SLC1A2: variants seen among roughly 807,000 people sequenced by gnomAD.
SLC1A2 encodes excitatory amino acid transporter 2.
In SLC1A2, 15 loss-of-function variants were observed where a neutral mutation model predicts 48.8. The observed-to-expected ratio is 0.31, with a 90% CI of 0.21 to 0.47. The LOEUF (loss-of-function observed/expected upper bound fraction) is 0.47. Among genes scored for constraint, SLC1A2 ranks in the 20% least tolerant of loss-of-function variants. The pLI is 0.99. For missense variants in SLC1A2, 502 were observed against 730.5 expected (o/e 0.69, Z 3.61); for synonymous variants, 279 against 272.6 (o/e 1.02, Z -0.23).
At chr11:35,330,181 C>T (rs144989538) in intron 1 of SLC1A2, among the ~76,000 whole-genome samples, 1 of 152,292 alleles carries the variant, frequency 6.6e-6, no homozygotes, top group Non-Finnish European at 1.5e-5. Flanking sequence ...TCTCTTCTCC[C>T]AAGTTTGTCA....
At chr11:35,386,933 C>A (rs918760158) in intron 1 of SLC1A2, among the ~76,000 whole-genome samples, 8 of 152,066 alleles carry the variant, frequency 5.3e-5, no homozygotes, top group African/African-American at 1.9e-4. Context: ...CATCTTTTTT[C>A]CCCCTTTTTT....
At chr11:35,398,690 A>G (rs1237961582) in intron 1 of SLC1A2, among the ~76,000 whole-genome samples, 3 of 152,212 alleles carry the variant, frequency 2.0e-5, no homozygotes, top group East Asian at 1.9e-4. Flanking sequence ...AAAAATATAT[A>G]TGGCCTGAGT....
In SLC1A2 at chr11:35,257,773, T is replaced by A. The variant is rs1003144104; in HGVS notation, c.*3121A>T. ...TTTCTCCTGAAATGATTCTGATTCCTAAAAAACATGAATGAGTCTATAGCA... is the reference window on the plus strand; with the variant it reads ...TTTCTCCTGAAATGATTCTGATTCCAAAAAAACATGAATGAGTCTATAGCA... On this transcript the variant is annotated 3_prime_UTR_variant, in exon 11 of 11. Transcript: ENST00000278379. The A allele has an allele frequency of 1.3e-5, 2 of 152,180 alleles. No homozygotes were observed. The highest frequency in any genetic ancestry group is 2.9e-5 in the Non-Finnish European group (2 of 68,032). The allele number at this position is 152,180 out of a possible 1,614,324, so 9.4% of individuals were successfully genotyped here. A position where few individuals can be genotyped will look rare whatever the true frequency, so the allele number is the denominator to read the frequency against.
chr11:35,377,003 G>A (rs1854259084), intron 1 of SLC1A2, among the ~76,000 whole-genome samples: 1 of 152,230 alleles, frequency 6.6e-6, no homozygotes, highest in East Asian at 1.9e-4. Flanking sequence ...GGAATGAGCA[G>A]GCCAAGTGTC....
intron 9 of SLC1A2, 72 bp downstream of exon 9, chr11:35,280,795 A>G (rs1433871750): frequency 1.8e-6 from 2 of 1,099,148 alleles, no homozygotes; most frequent in Non-Finnish European, 2.6e-6. Context: ...TCTTGGTTGC[A>G]ACCTTGCCAC....
intron 1 of SLC1A2, among the ~76,000 whole-genome samples, chr11:35,347,732 T>C (rs768509017): frequency 3.2e-4 from 48 of 152,318 alleles, no homozygotes; most frequent in Admixed American, 1.5e-3. Flanking sequence ...ACAGAGATCA[T>C]TGTGCTCAGC....
chr11:35,264,936 T>C (rs1277465496), intron 10 of SLC1A2: 1 of 151,826 alleles, frequency 6.6e-6, no homozygotes, highest in Admixed American at 6.6e-5. Context: ...TGAAAATCAG[T>C]AGCCACAAAT....
intron 1 of SLC1A2, among the ~76,000 whole-genome samples, chr11:35,333,282 T>C (rs942490649): frequency 6.6e-6 from 1 of 151,920 alleles, no homozygotes; most frequent in African/African-American, 2.4e-5. Context: ...CCAGGTGTGG[T>C]GGTGCATGCC....
intron 9 of SLC1A2, among the ~76,000 whole-genome samples, chr11:35,266,175 T>C (rs1353315482): frequency 6.6e-6 from 1 of 152,214 alleles, no homozygotes; most frequent in African/African-American, 2.4e-5. Context: ...GTTGTGTTTT[T>C]GAAGACTCTA....
chr11:35,276,096 T>A (rs1807965680), intron 9 of SLC1A2, among the ~76,000 whole-genome samples: 1 of 152,174 alleles, frequency 6.6e-6, no homozygotes, highest in African/African-American at 2.4e-5. Flanking sequence ...CAAACATTCA[T>A]CCCCAGCAGA....
chr11:35,373,375 C>T (rs1854121504), intron 1 of SLC1A2, among the ~76,000 whole-genome samples: 1 of 152,192 alleles, frequency 6.6e-6, no homozygotes, highest in Non-Finnish European at 1.5e-5. Flanking sequence ...ATGGGACAAA[C>T]CCGGTAGGGA....
At chr11:35,413,678 C>CACCCAGT (rs1855529524) in intron 1 of SLC1A2, 1 of 152,192 alleles carries the variant, frequency 6.6e-6, no homozygotes, top group African/African-American at 2.4e-5. Flanking sequence ...AGTCCACAGG[C>CACCCAGT]ACCCAGTACC....
Position 35,253,870 on chromosome 11 carries a change from C to A in SLC1A2, c.*7024G>T, listed in dbSNP as rs1363246685. 1 of 152,602 alleles carries A rather than the reference C, an allele frequency of 6.6e-6. No homozygotes were observed. The highest frequency in any genetic ancestry group is 2.4e-5 in the African/African-American group (1 of 41,438). The allele number at this position is 152,602 out of a possible 1,614,324, so 9.5% of individuals were successfully genotyped here. A position where few individuals can be genotyped will look rare whatever the true frequency, so the allele number is the denominator to read the frequency against. ...AGATTAATTCAGTCTACACTGAGTTCTTTATAATTTCTGAAGAATAGTTAC... is the reference window on the plus strand; with the variant it reads ...AGATTAATTCAGTCTACACTGAGTTATTTATAATTTCTGAAGAATAGTTAC... On this transcript the variant is annotated 3_prime_UTR_variant, in exon 11 of 11. Transcript: ENST00000278379.
rs4508184 is a variant in SLC1A2 at position 35,260,549 on chromosome 11, T to C, written c.*345A>G. ...AGTCCCTGGAGTGTACCACACTGCT[T>C]TACTCATGTCCCCTGGGAAAAGAGC... On this transcript the variant is annotated 3_prime_UTR_variant, in exon 11 of 11. Coordinates refer to ENST00000278379, the MANE Select transcript of SLC1A2 (RefSeq NM_004171.4). 36,135 of 298,140 alleles carry C rather than the reference T, an allele frequency of 0.12. 2,406 individuals carry two copies. The highest frequency in any genetic ancestry group is 0.18 in the Admixed American group (3,760 of 21,222). 18.5% of individuals were successfully genotyped at this position (298,140 alleles called of 1,614,324 possible).
chr11:35,287,156 G>A (rs1401503414), intron 7 of SLC1A2, among the ~76,000 whole-genome samples: 2 of 152,120 alleles, frequency 1.3e-5, no homozygotes, highest in East Asian at 3.8e-4. Context: ...ACACTAATAG[G>A]CAGCAAAATA....
intron 1 of SLC1A2, among the ~76,000 whole-genome samples, chr11:35,413,093 C>T (rs936217220): frequency 3.3e-5 from 5 of 152,132 alleles, no homozygotes; most frequent in African/African-American, 7.2e-5. Flanking sequence ...GAGAATGGTA[C>T]GCACGCTTTC....
chr11:35,284,087 T>TATATATATATATATATATATATA (rs1850729531), intron 8 of SLC1A2, among the ~76,000 whole-genome samples: 20 of 115,840 alleles, frequency 1.7e-4, no homozygotes, highest in African/African-American at 5.9e-4. Context: ...GAAGATTTTA[T>TATATATATATATATATATATATA]TATATATATA....
At chr11:35,327,967 A>C (rs1261483175) in intron 1 of SLC1A2, among the ~76,000 whole-genome samples, 1 of 152,236 alleles carries the variant, frequency 6.6e-6, no homozygotes, top group Non-Finnish European at 1.5e-5. Flanking sequence ...TACCATCTAC[A>C]CCAAGGCACT....
intron 3 of SLC1A2, among the ~76,000 whole-genome samples, chr11:35,313,215 A>G (rs1851761895): frequency 6.6e-6 from 1 of 152,194 alleles, no homozygotes; most frequent in South Asian, 2.1e-4. Flanking sequence ...GTTCTGTGCC[A>G]CACTCAAAAT....
Sources: allele counts gnomAD v4.1 joint callset (sites outside exome capture counted in the v4.1 genomes callset), GRCh38; gene constraint gnomAD v4.1.1; transcripts MANE v1.5; gene names NCBI Gene and HGNC (gene_info 2026-07-23, HGNC 2026-07-21).